Variants in ASTN2 observed in about 807,000 individuals in gnomAD.
ASTN2 encodes astrotactin-2.
Under a neutral mutation model 139.8 loss-of-function variants are expected in ASTN2, and 54 were observed. That is an observed-to-expected ratio of 0.39 (90% CI 0.31 to 0.48). The LOEUF is 0.48. Among genes scored for constraint, ASTN2 ranks in the 20% least tolerant of loss-of-function variants. The pLI, the probability that ASTN2 is intolerant of heterozygous loss-of-function variation, is 0.95. For synonymous variants in ASTN2, 756 were observed against 719.5 expected, an observed-to-expected ratio of 1.05 and a Z score of -0.81; for missense variants, 1,565 against 1,725.1, an observed-to-expected ratio of 0.91 and a Z score of 1.64.
intron 16 of ASTN2, among the ~76,000 whole-genome samples, chr9:116,680,451 A>T (rs1859781348): frequency 6.6e-6 from 1 of 152,200 alleles, no homozygotes; most frequent in South Asian, 2.1e-4. Flanking sequence ...GGGTACAAGG[A>T]GGAACTGGTA....
At chr9:117,262,114 C>T (rs1475942928) in intron 2 of ASTN2, among the ~76,000 whole-genome samples, 3 of 152,012 alleles carry the variant, frequency 2.0e-5, no homozygotes, top group South Asian at 2.1e-4. Context: ...TAGTAATTTC[C>T]AGGACTTCAC....
At chr9:117,225,753 T>C (rs549887700) in intron 2 of ASTN2, among the ~76,000 whole-genome samples, 1 of 151,510 alleles carries the variant, frequency 6.6e-6, no homozygotes, top group East Asian at 2.0e-4. Context: ...ACAGCTCTAA[T>C]ACAGGAATAA....
In ASTN2 at chr9:116,471,832, G is replaced by A. The variant is rs1044537728; in HGVS notation, c.3497+15527C>T. ...TCCAAGGTTAGGCAATTTTTCAAAG[G>A]CTACCCAGCTAAGAACTGAGGGAGT... is the stretch of plus-strand genomic sequence containing the variant. On this transcript the variant is annotated intron_variant, in intron 20 of 22. Transcript: ENST00000313400. Among the ~76,000 whole-genome samples the A allele has an allele frequency of 1.3e-5, 2 of 152,116 alleles. 1 individual carries two copies. The highest frequency in any genetic ancestry group is 4.8e-5 in the African/African-American group (2 of 41,408).
At chr9:116,728,279 G>A (rs1828685940) in intron 15 of ASTN2, among the ~76,000 whole-genome samples, 1 of 152,166 alleles carries the variant, frequency 6.6e-6, no homozygotes, top group East Asian at 1.9e-4. Flanking sequence ...TCAAGGACTT[G>A]TTAATGTCTT....
At chr9:116,857,641 G>A (rs1162938385) in intron 11 of ASTN2, among the ~76,000 whole-genome samples, 2 of 152,192 alleles carry the variant, frequency 1.3e-5, no homozygotes, top group Non-Finnish European at 2.9e-5. Context: ...CTCCCTACAT[G>A]AACTTGAGCA....
chr9:116,892,732 T>C lies in ASTN2; in HGVS notation c.1890-28999A>G, dbSNP rs756533614. Among the ~76,000 whole-genome samples the C allele has an allele frequency of 9.5e-4, 144 of 152,296 alleles. 1 individual carries two copies. Among genetic ancestry groups the C allele is most frequent in the Non-Finnish European group, 1.7e-3 (115 of 68,026 alleles). Reference sequence around the variant, plus strand: ...TATTTTGCTGTCTTTGATCCAAGCATGAATGCTCTTTCTCTAGATAACCTC... The same window carrying C: ...TATTTTGCTGTCTTTGATCCAAGCACGAATGCTCTTTCTCTAGATAACCTC... On this transcript the variant is annotated intron_variant, in intron 10 of 22. Coordinates refer to ENST00000313400, the MANE Select transcript of ASTN2 (RefSeq NM_001365068.1).
At chr9:116,817,774 T>C (rs1346364494) in intron 12 of ASTN2, among the ~76,000 whole-genome samples, 2 of 152,246 alleles carry the variant, frequency 1.3e-5, no homozygotes, top group African/African-American at 4.8e-5. Context: ...TAATTATGGT[T>C]TACTGAGTGC....
At chr9:117,113,081 G>A (rs1197615356) in intron 4 of ASTN2, among the ~76,000 whole-genome samples, 1 of 152,122 alleles carries the variant, frequency 6.6e-6, no homozygotes, top group Non-Finnish European at 1.5e-5. Context: ...AAAAAGATCA[G>A]TCTTACCAGT....
At chr9:117,047,884 C>G (rs1178637031) in intron 5 of ASTN2, among the ~76,000 whole-genome samples, 1 of 152,052 alleles carries the variant, frequency 6.6e-6, no homozygotes, top group African/African-American at 2.4e-5. Context: ...ACCACTATCA[C>G]TAGTAACATA....
intron 20 of ASTN2, among the ~76,000 whole-genome samples, chr9:116,474,483 G>A (rs963467803): frequency 5.3e-5 from 8 of 152,150 alleles, no homozygotes; most frequent in Admixed American, 5.2e-4. Context: ...TCTGGATTCC[G>A]TCTCACCTCT....
chr9:116,631,555 A>C (rs1475621160), intron 17 of ASTN2, among the ~76,000 whole-genome samples: 1 of 138,242 alleles, frequency 7.2e-6, no homozygotes, highest in Non-Finnish European at 1.6e-5. Flanking sequence ...TAGTTACCAG[A>C]GCCTAGGAAG....
At chr9:117,180,773 G>A in intron 3 of ASTN2, 2 of 1,561,798 alleles carry the variant, frequency 1.3e-6, no homozygotes, top group Non-Finnish European at 1.7e-6. Context: ...CAGCCATCAG[G>A]GATGAGCTGC....
At chr9:116,715,889 G>C (rs898173090) in intron 16 of ASTN2, among the ~76,000 whole-genome samples, 4 of 152,174 alleles carry the variant, frequency 2.6e-5, no homozygotes, top group Non-Finnish European at 4.4e-5. Context: ...TGAAAGGACT[G>C]TCTGTGAGCA....
intron 16 of ASTN2, among the ~76,000 whole-genome samples, chr9:116,694,880 T>C (rs1041712561): frequency 1.1e-4 from 17 of 152,230 alleles, no homozygotes; most frequent in Non-Finnish European, 1.9e-4. Flanking sequence ...CATACGCTCA[T>C]GATATATGGT....
chr9:117,062,448 C>T (rs1488280831), intron 5 of ASTN2, among the ~76,000 whole-genome samples: 1 of 152,182 alleles, frequency 6.6e-6, no homozygotes, highest in Non-Finnish European at 1.5e-5. Context: ...AAATACAGTG[C>T]TTTGGGCCCT....
chr9:116,866,796 G>A (rs1325311192), intron 10 of ASTN2, among the ~76,000 whole-genome samples: 2 of 151,494 alleles, frequency 1.3e-5, no homozygotes, highest in Admixed American at 6.6e-5. Context: ...GGGAGGCTGA[G>A]GCAGGAGAAT....
intron 1 of ASTN2, among the ~76,000 whole-genome samples, chr9:117,344,797 G>A (rs149344788): frequency 2.1e-4 from 32 of 152,264 alleles, no homozygotes; most frequent in African/African-American, 6.7e-4. Flanking sequence ...ATACAGGGGA[G>A]GGAAGCAGCC....
chr9:116,646,811 G>A lies in ASTN2; in HGVS notation c.3072+4717C>T, dbSNP rs137889410. 3.2e-3 allele frequency among the ~76,000 whole-genome samples: 486 copies of A among 152,312 alleles called. 2 individuals are homozygous for A. Among genetic ancestry groups the A allele is most frequent in the Non-Finnish European group, 5.9e-3 (400 of 68,038 alleles). ...GAGAAGATAGTGCCCATGCCTGTCTGTTTGCTCTAACTTCTCCTGGCTTCC... is the reference window on the plus strand; with the variant it reads ...GAGAAGATAGTGCCCATGCCTGTCTATTTGCTCTAACTTCTCCTGGCTTCC... On this transcript the variant is annotated intron_variant, in intron 17 of 22. Coordinates refer to ENST00000313400, the MANE Select transcript of ASTN2 (RefSeq NM_001365068.1).
intron 10 of ASTN2, among the ~76,000 whole-genome samples, chr9:116,935,609 A>ACTGTCTT (rs1158566482): frequency 2.0e-4 from 31 of 152,376 alleles, no homozygotes; most frequent in Middle Eastern, 6.8e-3. Context: ...CACAGTCTAA[A>ACTGTCTT]GCACTGGTCT....
Sources: gnomAD v4.1 joint callset for allele counts (sites outside exome capture counted in the v4.1 genomes callset) on GRCh38, gnomAD v4.1.1 for gene constraint, MANE v1.5 for transcripts, NCBI Gene and HGNC (gene_info 2026-07-23, HGNC 2026-07-21) for gene names.